FABP6: variants seen among roughly 807,000 people sequenced by gnomAD.
FABP6 encodes the protein gastrotropin.
FABP6 carries 13 observed loss-of-function variants against 14.9 expected under a neutral mutation model. The ratio of observed to expected loss-of-function variants is 0.87; its 90% CI spans 0.57 to 1.39. FABP6 has a LOEUF of 1.39. Among genes scored for constraint, FABP6 ranks in the 40% most tolerant of loss-of-function variants. The probability of loss-of-function intolerance (pLI) is 0.00; values close to 1 mark genes in which losing one functional copy is unlikely to be tolerated. For synonymous variants in FABP6, 75 were observed against 63.6 expected (o/e 1.18, Z -0.85); for missense variants, 161 against 167.2 (o/e 0.96, Z 0.20).
At chr5:160,201,190 T>TA (rs60061736) in intron 2 of FABP6, among the ~76,000 whole-genome samples, 7,108 of 147,862 alleles carry the variant, frequency 0.048, 330 homozygotes, top group East Asian at 0.19. Flanking sequence ...ACTCCATCTC[T>TA]AAAAAAAAAA....
intron 2 of FABP6, among the ~76,000 whole-genome samples, chr5:160,200,838 A>G (rs894501259): frequency 7.5e-6 from 1 of 132,676 alleles, no homozygotes; most frequent in Non-Finnish European, 1.8e-5. Flanking sequence ...TAATCCTTCA[A>G]ACCTAGCCCT....
At chr5:160,195,169 C>T (rs1759484073) in intron 1 of FABP6, among the ~76,000 whole-genome samples, 3 of 151,532 alleles carry the variant, frequency 2.0e-5, no homozygotes. Context: ...CCTATAATCC[C>T]AGCTACTCAG....
chr5:160,202,285 G>C (rs778297477), intron 2 of FABP6, among the ~76,000 whole-genome samples: 5 of 152,108 alleles, frequency 3.3e-5, no homozygotes, highest in African/African-American at 4.8e-5. Flanking sequence ...GGCCAGAAAG[G>C]CTTTTCTGAG....
intron 3 of FABP6, chr5:160,213,970 T>G: frequency 1.5e-6 from 1 of 671,758 alleles, no homozygotes; most frequent in Non-Finnish European, 2.6e-6. Context: ...CTGAAATTGT[T>G]GTTTTTATAG....
intron 2 of FABP6, among the ~76,000 whole-genome samples, chr5:160,233,879 G>GA (rs59415943): frequency 2.9e-4 from 42 of 145,384 alleles, no homozygotes; most frequent in African/African-American, 5.8e-4. Context: ...CTCAAAAAAA[G>GA]AAAAAAAAAA....
chr5:160,194,376 G>C (rs912402856), intron 1 of FABP6, among the ~76,000 whole-genome samples: 2 of 152,164 alleles, frequency 1.3e-5, no homozygotes, highest in Non-Finnish European at 2.9e-5. Flanking sequence ...TGGGCTGAAG[G>C]GCTCCTCAAG....
chr5:160,234,776 A>G (rs777286879), intron 2 of FABP6, 44 bp from the exon 3 acceptor site: 23 of 1,516,442 alleles, frequency 1.5e-5, no homozygotes, highest in Middle Eastern at 1.7e-4. Context: ...ATAGTTGCCA[A>G]TCACCTGCAA....
At chr5:160,203,047 A>G (rs1301090336) in intron 2 of FABP6, among the ~76,000 whole-genome samples, 1 of 151,808 alleles carries the variant, frequency 6.6e-6, no homozygotes, top group African/African-American at 2.4e-5. Flanking sequence ...GATTATAGGC[A>G]TGCACCACCG....
intron 1 of FABP6, among the ~76,000 whole-genome samples, chr5:160,194,655 C>A (rs540641341): frequency 6.6e-6 from 1 of 152,204 alleles, no homozygotes; most frequent in Admixed American, 6.5e-5. Flanking sequence ...CCCTATCCAC[C>A]GCACTCCAAC....
At chr5:160,218,371 T>G (rs1760060189) in intron 3 of FABP6, among the ~76,000 whole-genome samples, 1 of 151,902 alleles carries the variant, frequency 6.6e-6, no homozygotes, top group Non-Finnish European at 1.5e-5. Flanking sequence ...GATTCAAACC[T>G]AGGCAGCCTG....
chr5:160,236,704 G>C (rs1272120159), intron 3 of FABP6, among the ~76,000 whole-genome samples: 1 of 151,994 alleles, frequency 6.6e-6, no homozygotes, highest in Admixed American at 6.6e-5. Context: ...GGGTGTGGTG[G>C]CTCAAGCTTC....
At chr5:160,199,103 G>C (rs753104712) in exon 2 of FABP6, 1 of 1,614,134 alleles carries the variant, frequency 6.2e-7, no homozygotes, top group South Asian at 1.1e-5. Flanking sequence ...CCAGCCCAGA[G>C]GCGATGAAGA....
intron 1 of FABP6, among the ~76,000 whole-genome samples, chr5:160,230,938 T>C (rs1313330558): frequency 1.3e-5 from 2 of 152,228 alleles, no homozygotes. Flanking sequence ...ATTCCTTCTC[T>C]CACTGCTTGA....
At chr5:160,222,152 T>A in intron 3 of FABP6, among the ~76,000 whole-genome samples, 1 of 151,234 alleles carries the variant, frequency 6.6e-6, no homozygotes, top group East Asian at 1.9e-4. Context: ...GAATGCAGTA[T>A]TGCAATCATA....
intron 1 of FABP6, among the ~76,000 whole-genome samples, chr5:160,193,437 G>C (rs6860032): frequency 2.6e-5 from 4 of 151,910 alleles, no homozygotes; most frequent in African/African-American, 9.7e-5. Flanking sequence ...AAGGGGACCC[G>C]AGCGGGTTGC....
At chr5:160,234,936 G>A (rs796757817) in intron 3 of FABP6, 27 bp downstream of exon 3, 1 of 1,595,616 alleles carries the variant, frequency 6.3e-7, no homozygotes, top group East Asian at 2.3e-5. Context: ...TTCCTGGGAT[G>A]ATTATTGGAT....
At chr5:160,225,399 CTT>C (rs1284538826), upstream of FABP6, among the ~76,000 whole-genome samples, 7,436 of 123,182 alleles carry the variant, frequency 0.06, 234 homozygotes, top group East Asian at 0.29. Flanking sequence ...CCAGCCCCAC[CTT>C]TTTTTTTTTT....
At chr5:160,202,825 C>G (rs1169716391) in intron 2 of FABP6, among the ~76,000 whole-genome samples, 1 of 151,308 alleles carries the variant, frequency 6.6e-6, no homozygotes, top group African/African-American at 2.4e-5. Context: ...TTTTAACTGG[C>G]TTTTCTTAGC....
chr5:160,197,109 T>G (rs1275827979), intron 1 of FABP6: 1 of 152,136 alleles, frequency 6.6e-6, no homozygotes, highest in Non-Finnish European at 1.5e-5. Flanking sequence ...TCTCCTAGAG[T>G]TTTGCAGTGC....
Sources: gnomAD v4.1 joint callset for allele counts (sites outside exome capture counted in the v4.1 genomes callset) on GRCh38, gnomAD v4.1.1 for gene constraint, MANE v1.5 for transcripts, NCBI Gene and HGNC (gene_info 2026-07-23, HGNC 2026-07-21) for gene names.